Variants in ADIPOR2 observed in about 807,000 individuals in gnomAD.
ADIPOR2 encodes adiponectin receptor protein 2.
In ADIPOR2, 18 loss-of-function variants were observed where a neutral mutation model predicts 40.9. The observed-to-expected ratio is 0.44, with a 90% CI of 0.30 to 0.65. The LOEUF is 0.65. ADIPOR2 is among the 30% of genes least tolerant of loss of function. The pLI, the probability that ADIPOR2 is intolerant of heterozygous loss-of-function variation, is 0.09. For missense variants in ADIPOR2, 283 were observed against 479.2 expected, an observed-to-expected ratio of 0.59 and a Z score of 3.82; for synonymous variants, 165 against 166.4, an observed-to-expected ratio of 0.99 and a Z score of 0.06.
At chr12:1,739,061 A>C (rs118067357) in intron 1 of ADIPOR2, among the ~76,000 whole-genome samples, 6,164 of 152,300 alleles carry the variant, frequency 0.04, 197 homozygotes, top group Non-Finnish European at 0.063. Flanking sequence ...AAAAAATTTT[A>C]TTTTAGAGGG....
chr12:1,706,715 A>T (rs937701394), intron 1 of ADIPOR2, among the ~76,000 whole-genome samples: 5 of 152,148 alleles, frequency 3.3e-5, no homozygotes, highest in Admixed American at 2.0e-4. Context: ...AGGTAATGGA[A>T]TTTCTGTTAT....
intron 2 of ADIPOR2, among the ~76,000 whole-genome samples, chr12:1,765,136 C>G (rs1392770399): frequency 1.3e-5 from 2 of 152,044 alleles, no homozygotes; most frequent in African/African-American, 4.8e-5. Context: ...CTACATGATA[C>G]TCACATTTTA....
chr12:1,752,894 C>T (rs1862030941), intron 1 of ADIPOR2, among the ~76,000 whole-genome samples: 1 of 152,124 alleles, frequency 6.6e-6, no homozygotes. Flanking sequence ...GCATTAATAA[C>T]ATAATTTATA....
chr12:1,786,297 AT>A lies in ADIPOR2; in HGVS notation c.*226del. 2.0e-6 allele frequency: 1 copy of A among 512,254 alleles called. No homozygotes were observed. 31.7% of individuals were successfully genotyped at this position (512,254 alleles called of 1,614,324 possible). A position where few individuals can be genotyped will look rare whatever the true frequency, so the allele number is the denominator to read the frequency against. ...TGCATCAATTGGGAGAAAAGGAGAC[AT>A]AGCCCAAACCCTGGCTTATTCTTGG... On this transcript the variant is annotated 3_prime_UTR_variant, in exon 8 of 8. Coordinates refer to ENST00000357103, the MANE Select transcript of ADIPOR2 (RefSeq NM_024551.3).
At chr12:1,767,132 G>A (rs1049182134) in intron 2 of ADIPOR2, among the ~76,000 whole-genome samples, 24 of 151,964 alleles carry the variant, frequency 1.6e-4, no homozygotes, top group Non-Finnish European at 2.6e-4. Context: ...TTAGCCGGGC[G>A]TGGTGGCAGG....
intron 1 of ADIPOR2, among the ~76,000 whole-genome samples, chr12:1,714,329 G>A (rs1402738937): frequency 8.6e-5 from 13 of 151,994 alleles, no homozygotes; most frequent in African/African-American, 2.9e-4. Flanking sequence ...TGTAGAACAC[G>A]GAGGTTGCCA....
chr12:1,741,647 C>CTAGT (rs2094743079), intron 1 of ADIPOR2, among the ~76,000 whole-genome samples: 1 of 152,188 alleles, frequency 6.6e-6, no homozygotes, highest in Admixed American at 6.5e-5. Context: ...GTTCAACTTA[C>CTAGT]AGGCTTATAA....
At chr12:1,717,341 A>G (rs2094689564) in intron 1 of ADIPOR2, among the ~76,000 whole-genome samples, 1 of 152,142 alleles carries the variant, frequency 6.6e-6, no homozygotes, top group Admixed American at 6.6e-5. Flanking sequence ...TTAAAATGTA[A>G]TACCCTCATC....
intron 1 of ADIPOR2, among the ~76,000 whole-genome samples, chr12:1,742,381 C>G (rs2094744847): frequency 6.6e-6 from 1 of 152,256 alleles, no homozygotes; most frequent in Non-Finnish European, 1.5e-5. Flanking sequence ...GCGTGAGCCA[C>G]TGTGCCCAGC....
chr12:1,776,908 C>T (rs1482569718), intron 3 of ADIPOR2, among the ~76,000 whole-genome samples: 2 of 152,160 alleles, frequency 1.3e-5, no homozygotes. Flanking sequence ...TTCATGATTT[C>T]CCTATGAAGT....
intron 5 of ADIPOR2, 105 bp downstream of exon 5, chr12:1,780,742 ACT>A: frequency 7.2e-7 from 1 of 1,396,532 alleles, no homozygotes. Context: ...TCTCATGCAA[ACT>A]TTTTTTTTTT....
At chr12:1,728,115 A>ATT (rs1232417318) in intron 1 of ADIPOR2, among the ~76,000 whole-genome samples, 1 of 144,692 alleles carries the variant, frequency 6.9e-6, no homozygotes, top group African/African-American at 2.5e-5. Flanking sequence ...TTTGTGTTAG[A>ATT]TTTTTTTTTT....
In ADIPOR2 at chr12:1,778,040, T is replaced by G; in HGVS notation, c.463+15T>G. ...ACATCTCTTAGGTATGTAATGTCAGTGATGTAATGAGCTGGTGATTCACTT... is the reference window on the plus strand; with the variant it reads ...ACATCTCTTAGGTATGTAATGTCAGGGATGTAATGAGCTGGTGATTCACTT... On this transcript the variant is annotated intron_variant, in intron 4 of 7. Transcript: ENST00000357103. The G allele has an allele frequency of 6.2e-7, 1 of 1,605,520 alleles. No individual in the cohort carries two copies.
chr12:1,759,274 A>T (rs1862217115), intron 2 of ADIPOR2, among the ~76,000 whole-genome samples: 1 of 152,196 alleles, frequency 6.6e-6, no homozygotes, highest in Admixed American at 6.5e-5. Context: ...TCACATTTCT[A>T]ACAATTTTGC....
At chr12:1,703,873 A>G (rs953014887) in intron 1 of ADIPOR2, among the ~76,000 whole-genome samples, 2 of 152,006 alleles carry the variant, frequency 1.3e-5, no homozygotes, top group Admixed American at 6.6e-5. Flanking sequence ...GCCACCACAC[A>G]TGATTAATTT....
chr12:1,718,095 C>T (rs1306640731), intron 1 of ADIPOR2, among the ~76,000 whole-genome samples: 1 of 151,936 alleles, frequency 6.6e-6, no homozygotes, highest in East Asian at 1.9e-4. Flanking sequence ...AGATTTGTAA[C>T]TCATTTGGTT....
chr12:1,732,317 A>G (rs2094722114), intron 1 of ADIPOR2, among the ~76,000 whole-genome samples: 1 of 152,094 alleles, frequency 6.6e-6, no homozygotes, highest in Non-Finnish European at 1.5e-5. Context: ...TGTTTCATCT[A>G]CTCATCCCTA....
intron 3 of ADIPOR2, among the ~76,000 whole-genome samples, chr12:1,777,077 A>C (rs1565657842): frequency 6.6e-6 from 1 of 152,210 alleles, no homozygotes; most frequent in Non-Finnish European, 1.5e-5. Flanking sequence ...AAGAGAAGAA[A>C]GAGTAAGATG....
chr12:1,705,935 C>T lies in ADIPOR2; in HGVS notation c.-87+14744C>T, dbSNP rs929475637. 1.1e-4 allele frequency among the ~76,000 whole-genome samples: 17 copies of T among 152,282 alleles called. No individual in the cohort carries two copies. The South Asian group carries it at 2.1e-3, about 19-fold the overall frequency. On this transcript the variant is annotated intron_variant, in intron 1 of 7. Coordinates refer to ENST00000357103, the MANE Select transcript of ADIPOR2 (RefSeq NM_024551.3). ...GTGTTTTGATGAATTGCTTGATCTC[C>T]GTGAACCTCAGTTTCTTCATCTATA...
Sources: gnomAD v4.1 joint callset for allele counts (sites outside exome capture counted in the v4.1 genomes callset) on GRCh38, gnomAD v4.1.1 for gene constraint, MANE v1.5 for transcripts, NCBI Gene and HGNC (gene_info 2026-07-23, HGNC 2026-07-21) for gene names.